The following SUMO3 variants were observed in gnomAD, a reference collection of about 807,000 sequenced individuals.
SUMO3 encodes the protein small ubiquitin like modifier 3.
A neutral mutation model predicts 11.1 loss-of-function variants in SUMO3; 2 were observed. That is an observed-to-expected ratio of 0.18 (90% CI 0.07 to 0.57). The LOEUF (loss-of-function observed/expected upper bound fraction) is 0.57. Ranked by LOEUF, SUMO3 falls within the 20% of genes least tolerant of loss-of-function variation. The pLI, the probability that SUMO3 is intolerant of heterozygous loss-of-function variation, is 0.92. For missense variants in SUMO3, 70 were observed against 132.8 expected, an observed-to-expected ratio of 0.53 and a Z score of 2.32; for synonymous variants, 56 against 53.5, an observed-to-expected ratio of 1.05 and a Z score of -0.20.
rs114266294 is a variant in SUMO3 at position 44,814,213 on chromosome 21, C to T, written c.22-109G>A. The T allele has an allele frequency of 1.7e-3, 2,422 of 1,418,318 alleles. 31 individuals carry two copies. The African/African-American group carries it at 0.027, about 16-fold the overall frequency. The allele number at this position is 1,418,318 out of a possible 1,614,324, so 87.9% of individuals were successfully genotyped here. ...GGCTTTTTAAAGTCATCAAAACCAA[C>T]CTAATTCTTAAAATTCTCCAGCAAT... On this transcript the variant is annotated intron_variant, in intron 1 of 3. Coordinates refer to ENST00000332859, the MANE Select transcript of SUMO3 (RefSeq NM_006936.3).
chr21:44,808,592 C>A, intron 3 of SUMO3: 1 of 1,375,140 alleles, frequency 7.3e-7, no homozygotes, highest in South Asian at 1.9e-5. Context: ...GATGAAATCT[C>A]ATTCATGTCT....
Position 44,809,253 on chromosome 21 carries a change from C to A in SUMO3, c.151-135G>T, listed in dbSNP as rs1196668082. The A allele has an allele frequency of 8.9e-6, 7 of 790,616 alleles. No individual in the cohort carries two copies. In the East Asian group the frequency reaches 1.8e-4, roughly 20 times the overall value. 49.0% of individuals were successfully genotyped at this position (790,616 alleles called of 1,614,324 possible). A position where few individuals can be genotyped will look rare whatever the true frequency, so the allele number is the denominator to read the frequency against. ...AAACATTTCCAGATACGGCTTAATT[C>A]AAAAACCAAATATTTTAATCCAAGT... On this transcript the variant is annotated intron_variant, in intron 2 of 3. Coordinates refer to ENST00000332859, the MANE Select transcript of SUMO3 (RefSeq NM_006936.3).
intron 1 of SUMO3, among the ~76,000 whole-genome samples, chr21:44,816,411 G>A (rs2083243883): frequency 6.6e-6 from 1 of 152,156 alleles, no homozygotes; most frequent in Admixed American, 6.5e-5. Context: ...ACCACAGCAA[G>A]CAGAGTGCAG....
chr21:44,813,823 C>T (rs1245012044), intron 2 of SUMO3, 153 bp downstream of exon 2: 15 of 1,528,254 alleles, frequency 9.8e-6, no homozygotes, highest in African/African-American at 1.4e-5. Context: ...ACTAATTTTA[C>T]AGCACAAGCC....
chr21:44,808,382 G>A (rs888178146), intron 3 of SUMO3: 6 of 634,910 alleles, frequency 9.5e-6, no homozygotes, highest in African/African-American at 3.9e-5. Context: ...GAGTGGTGGT[G>A]GGCACCTATA....
At chr21:44,808,506 C>T in intron 3 of SUMO3, 1 of 1,443,572 alleles carries the variant, frequency 6.9e-7, no homozygotes, top group Non-Finnish European at 9.1e-7. Flanking sequence ...CAAAGCGAGA[C>T]TCCGTCTCAA....
Position 44,806,571 on chromosome 21 carries a change from T to C in SUMO3, c.*380A>G, listed in dbSNP as rs1045857522. ...GGGAAACACCAATTCTCTATGTGAC[T>C]GGAGTGAGCAGGGGAGAGGCAACCA... On this transcript the variant is annotated 3_prime_UTR_variant, in exon 4 of 4. Coordinates refer to ENST00000332859, the MANE Select transcript of SUMO3 (RefSeq NM_006936.3). 1.8e-5 allele frequency: 4 copies of C among 225,750 alleles called. No individual in the cohort carries two copies. Among genetic ancestry groups the C allele is most frequent in the African/African-American group, 4.6e-5 (2 of 43,078 alleles). 14.0% of individuals were successfully genotyped at this position (225,750 alleles called of 1,614,324 possible).
intron 3 of SUMO3, 31 bp downstream of exon 3, chr21:44,809,016 G>A (rs1249132672): frequency 1.1e-5 from 17 of 1,603,398 alleles, no homozygotes; most frequent in Middle Eastern, 1.6e-4. Flanking sequence ...ATCGGAAGTC[G>A]CCCTGGAACC....
intron 3 of SUMO3, chr21:44,808,381 T>C (rs1026640628): frequency 8.6e-5 from 54 of 629,712 alleles, no homozygotes; most frequent in Non-Finnish European, 1.3e-4. Flanking sequence ...GGAGTGGTGG[T>C]GGGCACCTAT....
intron 2 of SUMO3, chr21:44,813,685 G>T: frequency 2.4e-6 from 2 of 838,532 alleles, no homozygotes; most frequent in Non-Finnish European, 3.6e-6. Flanking sequence ...CTTCACAGAT[G>T]TTAGTACCCC....
At chr21:44,808,996 C>G (rs2083194551) in intron 3 of SUMO3, 51 bp downstream of exon 3, 6 of 1,502,764 alleles carry the variant, frequency 4.0e-6, no homozygotes, top group Non-Finnish European at 4.6e-6. Context: ...ATGGCAGTTA[C>G]CCCGCACAAA....
chr21:44,816,925 G>A (rs2083247597), intron 1 of SUMO3, among the ~76,000 whole-genome samples: 1 of 126,800 alleles, frequency 7.9e-6, no homozygotes, highest in Non-Finnish European at 1.7e-5. Context: ...GGCGCACATC[G>A]TGGAGGGGGT....
chr21:44,806,818 T>C lies in SUMO3; in HGVS notation c.*133A>G, dbSNP rs1045825876. On this transcript the variant is annotated 3_prime_UTR_variant, in exon 4 of 4. Transcript: ENST00000332859. Reference sequence around the variant, plus strand: ...ATATAGTTTTGAGTTGCACTTGAAGTACATCAAAGAGAGGAAAATCATCGT... The same window carrying C: ...ATATAGTTTTGAGTTGCACTTGAAGCACATCAAAGAGAGGAAAATCATCGT... The C allele has an allele frequency of 1.4e-6, 2 of 1,464,606 alleles. No individual in the cohort carries two copies. Among genetic ancestry groups the C allele is most frequent in the African/African-American group, 2.8e-5 (2 of 70,460 alleles). 90.7% of individuals were successfully genotyped at this position (1,464,606 alleles called of 1,614,324 possible). A position where few individuals can be genotyped will look rare whatever the true frequency, so the allele number is the denominator to read the frequency against.
chr21:44,809,291 A>G (rs1340540689), intron 2 of SUMO3, among the ~76,000 whole-genome samples, 173 bp from the exon 3 acceptor site: 1 of 152,210 alleles, frequency 6.6e-6, no homozygotes, highest in Non-Finnish European at 1.5e-5. Flanking sequence ...CAGCATTCTG[A>G]TATGCAGATT....
Position 44,807,426 on chromosome 21 carries a change from C to G in SUMO3, c.223-386G>C, listed in dbSNP as rs80015658. Among the ~76,000 whole-genome samples, 544 of 152,278 alleles carry G rather than the reference C, an allele frequency of 3.6e-3. 7 individuals carry two copies. The highest frequency in any genetic ancestry group is 0.012 in the African/African-American group (501 of 41,536). ...CACTGAGTCCTAGGACCCACAGGAG[C>G]CTTGCGCTTTATACCAAGTGCGGGG... On this transcript the variant is annotated intron_variant, in intron 3 of 3. Transcript: ENST00000332859. This position sits in a 1 kb window ranked among gnomAD's most constrained non-coding sequence, Gnocchi z 4.3.
At chr21:44,812,761 C>G (rs1290478017) in intron 2 of SUMO3, among the ~76,000 whole-genome samples, 3 of 152,146 alleles carry the variant, frequency 2.0e-5, no homozygotes, top group Admixed American at 6.5e-5. Context: ...AGGGCAGAGC[C>G]CCCCCCACAT....
intron 2 of SUMO3, among the ~76,000 whole-genome samples, chr21:44,812,576 G>A (rs2083218539): frequency 6.6e-6 from 1 of 152,194 alleles, no homozygotes; most frequent in South Asian, 2.1e-4. Flanking sequence ...GACCCTGGAG[G>A]ATGTGCTCCA....
chr21:44,809,355 G>A (rs538283370), intron 2 of SUMO3, among the ~76,000 whole-genome samples: 5 of 152,244 alleles, frequency 3.3e-5, no homozygotes, highest in East Asian at 3.9e-4. Flanking sequence ...TCTCTTTCAC[G>A]CGGTGCCTGA....
intron 3 of SUMO3, 85 bp downstream of exon 3, chr21:44,808,962 A>G (rs2146420293): frequency 9.0e-7 from 1 of 1,114,926 alleles, no homozygotes; most frequent in East Asian, 2.4e-5. Context: ...TCCCACCTAC[A>G]ATTCTCAAAT....
Sources: allele counts gnomAD v4.1 joint callset (sites outside exome capture counted in the v4.1 genomes callset), GRCh38; gene constraint gnomAD v4.1.1; non-coding constraint Gnocchi (gnomAD v3.1); transcripts MANE v1.5; gene names NCBI Gene and HGNC (gene_info 2026-07-23, HGNC 2026-07-21).